Variants in ZMAT4 observed in about 807,000 individuals in gnomAD.
ZMAT4 encodes zinc finger matrin-type 4, also known as zinc finger matrin-type protein 4.
A neutral mutation model predicts 28.7 loss-of-function variants in ZMAT4; 17 were observed. The ratio of observed to expected loss-of-function variants is 0.59; its 90% confidence interval spans 0.41 to 0.89. The LOEUF (loss-of-function observed/expected upper bound fraction) is 0.89. Among genes scored for constraint, ZMAT4 ranks in the 40% least tolerant of loss-of-function variants. ZMAT4 has a pLI of 0.00. For synonymous variants in ZMAT4, 117 were observed against 109.2 expected (o/e 1.07, Z -0.44); for missense variants, 240 against 283.8 (o/e 0.85, Z 1.11).
At position 40,725,937 on chromosome 8, in the gene ZMAT4, G is replaced by A. The variant is rs80343048; in HGVS notation, c.193-28536C>T. ...GCACATTTGCATAATTTTTATCATC[G>A]GACCAGCTAAGCCAGGATGCTCCAA... On this transcript the variant is annotated intron_variant, in intron 3 of 6. Coordinates refer to ENST00000297737, the MANE Select transcript of ZMAT4 (RefSeq NM_024645.3). 2.7e-3 allele frequency among the ~76,000 whole-genome samples: 415 copies of A among 152,208 alleles called. 3 individuals are homozygous for A. Among genetic ancestry groups the A allele is most frequent in the Middle Eastern group, 0.017 (5 of 294 alleles).
chr8:40,897,543 C>T (rs549912780), intron 1 of ZMAT4, 140 bp downstream of exon 1: 1 of 152,466 alleles, frequency 6.6e-6, no homozygotes, highest in African/African-American at 2.4e-5. Context: ...TTCCTCCCAA[C>T]AAAAGACAGT....
Position 40,620,675 on chromosome 8 carries a change from C to T in ZMAT4, c.578-39414G>A, listed in dbSNP as rs188798463. On this transcript the variant is annotated intron_variant, in intron 5 of 6. Coordinates refer to ENST00000297737, the MANE Select transcript of ZMAT4 (RefSeq NM_024645.3). Reference sequence around the variant, plus strand: ...TTGTTTTACAAATGTTATTATTAAGCTCTTGATCAGGTCATTTGGTTTCCT... The same window carrying T: ...TTGTTTTACAAATGTTATTATTAAGTTCTTGATCAGGTCATTTGGTTTCCT... 1.8e-3 allele frequency among the ~76,000 whole-genome samples: 281 copies of T among 152,282 alleles called. 1 individual carries two copies. Among genetic ancestry groups the T allele is most frequent in the African/African-American group, 6.6e-3 (276 of 41,570 alleles).
intron 5 of ZMAT4, among the ~76,000 whole-genome samples, chr8:40,649,294 A>T (rs1305787261): frequency 6.6e-6 from 1 of 152,106 alleles, no homozygotes; most frequent in Non-Finnish European, 1.5e-5. Context: ...GATAAAACAG[A>T]CTTTAAACCA....
chr8:40,555,561 G>T (rs2565108), intron 6 of ZMAT4, among the ~76,000 whole-genome samples: 4,114 of 152,172 alleles, frequency 0.027, 81 homozygotes, highest in Middle Eastern at 0.055. Context: ...TTCCCATTTT[G>T]TAAATAAAGA....
chr8:40,859,489 C>T (rs752906431), intron 1 of ZMAT4, among the ~76,000 whole-genome samples: 2 of 152,162 alleles, frequency 1.3e-5, no homozygotes, highest in East Asian at 3.9e-4. Context: ...CACACACACA[C>T]CCCTTAAGGA....
chr8:40,787,661 G>A (rs1814143240), intron 2 of ZMAT4, among the ~76,000 whole-genome samples: 1 of 152,114 alleles, frequency 6.6e-6, no homozygotes, highest in African/African-American at 2.4e-5. Flanking sequence ...AGGGTGACTT[G>A]GACACAAGCA....
chr8:40,682,667 T>C (rs1809227576), intron 4 of ZMAT4, among the ~76,000 whole-genome samples: 1 of 152,188 alleles, frequency 6.6e-6, no homozygotes, highest in African/African-American at 2.4e-5. Context: ...TGAAGATGAC[T>C]TAAGGGGACT....
chr8:40,610,317 C>A (rs922907490), intron 5 of ZMAT4, among the ~76,000 whole-genome samples: 1 of 152,252 alleles, frequency 6.6e-6, no homozygotes, highest in South Asian at 2.1e-4. Context: ...GTATACTTAC[C>A]TTTTATCATA....
intron 3 of ZMAT4, among the ~76,000 whole-genome samples, chr8:40,727,635 T>A (rs1811366679): frequency 6.6e-6 from 1 of 152,216 alleles, no homozygotes; most frequent in Non-Finnish European, 1.5e-5. Context: ...GAATCCCATT[T>A]CCTTATCAGA....
chr8:40,746,394 C>A (rs748171618), intron 3 of ZMAT4, among the ~76,000 whole-genome samples: 2 of 124,024 alleles, frequency 1.6e-5, no homozygotes, highest in Non-Finnish European at 3.4e-5. Flanking sequence ...TTGACAGTCT[C>A]GCTCTCTTGC....
intron 6 of ZMAT4, among the ~76,000 whole-genome samples, chr8:40,573,007 C>T (rs1361495077): frequency 1.3e-5 from 2 of 152,100 alleles, no homozygotes; most frequent in African/African-American, 2.4e-5. Flanking sequence ...AATTTTCTAA[C>T]CTATAACCTG....
chr8:40,872,423 G>A (rs1358291322), intron 1 of ZMAT4, among the ~76,000 whole-genome samples: 1 of 152,124 alleles, frequency 6.6e-6, no homozygotes, highest in East Asian at 1.9e-4. Flanking sequence ...TGTAGGCCTC[G>A]GGGGCCCCAG....
intron 6 of ZMAT4, among the ~76,000 whole-genome samples, chr8:40,567,783 G>T (rs1034417146): frequency 2.0e-5 from 3 of 151,542 alleles, no homozygotes; most frequent in Non-Finnish European, 4.4e-5. Flanking sequence ...AAATAACAGT[G>T]TTTAACACTT....
chr8:40,569,933 C>T (rs1197482315), intron 6 of ZMAT4, among the ~76,000 whole-genome samples: 1 of 152,146 alleles, frequency 6.6e-6, no homozygotes, highest in East Asian at 1.9e-4. Context: ...ACTTTAAGGT[C>T]ATAATATTAG....
intron 2 of ZMAT4, among the ~76,000 whole-genome samples, chr8:40,806,760 C>A (rs977350712): frequency 1.3e-5 from 2 of 151,906 alleles, no homozygotes; most frequent in Admixed American, 1.3e-4. Context: ...AATTCCCTAC[C>A]GAAAATGAGT....
chr8:40,601,507 AAGAGAAAG>A (rs1563360208), intron 5 of ZMAT4, among the ~76,000 whole-genome samples: 14 of 143,178 alleles, frequency 9.8e-5, no homozygotes, highest in South Asian at 4.5e-4. Flanking sequence ...GAAAGAAAGA[AAGAGAAAG>A]AGAAAGAAAG....
chr8:40,559,834 C>G (rs1265808504), intron 6 of ZMAT4, among the ~76,000 whole-genome samples: 2 of 151,966 alleles, frequency 1.3e-5, no homozygotes, highest in Non-Finnish European at 2.9e-5. Flanking sequence ...CACACAAATA[C>G]AAACACACGT....
At chr8:40,597,026 G>T (rs1476720935) in intron 5 of ZMAT4, among the ~76,000 whole-genome samples, 1 of 152,192 alleles carries the variant, frequency 6.6e-6, no homozygotes, top group Non-Finnish European at 1.5e-5. Context: ...AGAAAATCCA[G>T]AATGAGTTGT....
At chr8:40,549,044 G>C (rs938415475) in intron 6 of ZMAT4, among the ~76,000 whole-genome samples, 1 of 152,066 alleles carries the variant, frequency 6.6e-6, no homozygotes, top group Non-Finnish European at 1.5e-5. Context: ...GGGAGGTGAT[G>C]AGGTCATGAG....
Sources: gnomAD v4.1 joint callset for allele counts (sites outside exome capture counted in the v4.1 genomes callset) on GRCh38, gnomAD v4.1.1 for gene constraint, MANE v1.5 for transcripts, NCBI Gene and HGNC (gene_info 2026-07-23, HGNC 2026-07-21) for gene names.